Variants in CTNND2 observed in about 807,000 individuals in gnomAD.
CTNND2 encodes the protein catenin delta 2, also known as catenin delta-2.
Under a neutral mutation model 144.4 loss-of-function variants are expected in CTNND2, and 22 were observed. The observed-to-expected ratio is 0.15, with a 90% CI of 0.11 to 0.22. CTNND2 has a LOEUF of 0.22. Among genes scored for constraint, CTNND2 ranks in the 10% least tolerant of loss-of-function variants. The probability of loss-of-function intolerance (pLI) is 1.00; values close to 1 mark genes in which losing one functional copy is unlikely to be tolerated. For synonymous variants in CTNND2, 751 were observed against 695.6 expected, an observed-to-expected ratio of 1.08 and a Z score of -1.25; for missense variants, 1,353 against 1,618.8, an observed-to-expected ratio of 0.84 and a Z score of 2.82.
At chr5:11,115,582 A>G (rs574890088) in intron 13 of CTNND2, among the ~76,000 whole-genome samples, 1 of 152,212 alleles carries the variant, frequency 6.6e-6, no homozygotes, top group Admixed American at 6.5e-5. Flanking sequence ...TTGTTTAGGA[A>G]TTTAATTTTC....
At chr5:11,082,527 A>G (rs1749685180) in intron 16 of CTNND2, among the ~76,000 whole-genome samples, 169 bp downstream of exon 16, 1 of 152,202 alleles carries the variant, frequency 6.6e-6, no homozygotes. Flanking sequence ...CTAAAAGATG[A>G]CTCAGTGCAG....
chr5:11,407,699 G>C (rs1761202767), intron 5 of CTNND2, among the ~76,000 whole-genome samples: 1 of 152,092 alleles, frequency 6.6e-6, no homozygotes, highest in South Asian at 2.1e-4. Context: ...CTCAAGGGCA[G>C]GGTGCCAGGT....
chr5:11,609,221 G>A (rs759880232), intron 2 of CTNND2, among the ~76,000 whole-genome samples: 1 of 151,858 alleles, frequency 6.6e-6, no homozygotes, highest in South Asian at 2.1e-4. Context: ...ATTTTTTGTT[G>A]CTTATGTTGT....
intron 1 of CTNND2, 147 bp from the exon 2 acceptor site, chr5:11,732,419 A>G (rs1787443497): frequency 1.5e-6 from 1 of 656,056 alleles, no homozygotes; most frequent in South Asian, 2.5e-5. Context: ...GAACGGGAGT[A>G]ATACAGTAAA....
chr5:11,286,032 C>T (rs1561153631), intron 9 of CTNND2, among the ~76,000 whole-genome samples: 1 of 99,512 alleles, frequency 1.0e-5, no homozygotes, highest in Non-Finnish European at 2.3e-5. Context: ...AAGTGCTTTT[C>T]CAGCAATTGA....
chr5:11,532,309 AC>A (rs1773816543), intron 3 of CTNND2, among the ~76,000 whole-genome samples: 2 of 43,724 alleles, frequency 4.6e-5, no homozygotes, highest in African/African-American at 1.8e-4. Context: ...ACCCACCCCC[AC>A]CCCTCCTCCA....
intron 16 of CTNND2, among the ~76,000 whole-genome samples, chr5:11,034,721 A>G (rs1036354796): frequency 6.6e-6 from 1 of 152,052 alleles, no homozygotes; most frequent in Non-Finnish European, 1.5e-5. Context: ...TTTCAAAGTT[A>G]TAACTCATGA....
chr5:11,209,933 CA>C (rs1308367842), intron 10 of CTNND2, among the ~76,000 whole-genome samples: 9 of 151,554 alleles, frequency 5.9e-5, no homozygotes, highest in African/African-American at 2.2e-4. Context: ...CAAACAACAA[CA>C]AAAAAAGTGT....
intron 10 of CTNND2, among the ~76,000 whole-genome samples, chr5:11,214,030 T>C (rs1738918945): frequency 6.6e-6 from 1 of 152,122 alleles, no homozygotes; most frequent in Non-Finnish European, 1.5e-5. Flanking sequence ...ACCCACCACT[T>C]GTGGGTTCAG....
At chr5:11,544,883 C>A (rs544497685) in intron 3 of CTNND2, among the ~76,000 whole-genome samples, 1 of 151,860 alleles carries the variant, frequency 6.6e-6, no homozygotes, top group African/African-American at 2.4e-5. Context: ...CTTTGGGAGG[C>A]GGAGGCGGGC....
At chr5:11,543,686 G>A (rs1036514552) in intron 3 of CTNND2, among the ~76,000 whole-genome samples, 1 of 150,634 alleles carries the variant, frequency 6.6e-6, no homozygotes, top group Non-Finnish European at 1.5e-5. Flanking sequence ...AAAGATCAAT[G>A]GAATTCCATT....
intron 3 of CTNND2, among the ~76,000 whole-genome samples, chr5:11,446,521 A>C (rs1764817151): frequency 6.6e-6 from 1 of 152,140 alleles, no homozygotes. Flanking sequence ...ATGCCTTCAC[A>C]TGTCTTCAAG....
chr5:11,893,645 A>G (rs12514516), intron 1 of CTNND2, among the ~76,000 whole-genome samples: 35,224 of 152,026 alleles, frequency 0.23, 4,215 homozygotes, highest in Admixed American at 0.3. Flanking sequence ...TATATTTGCA[A>G]AGGAAGAAGG....
intron 2 of CTNND2, among the ~76,000 whole-genome samples, chr5:11,731,419 G>A (rs1443967355): frequency 1.3e-5 from 2 of 152,150 alleles, no homozygotes; most frequent in East Asian, 1.9e-4. Context: ...TAACCCAAAC[G>A]CGGCAGGCTT....
chr5:11,067,955 A>G (rs1747789707), intron 16 of CTNND2, among the ~76,000 whole-genome samples: 1 of 152,206 alleles, frequency 6.6e-6, no homozygotes, highest in East Asian at 1.9e-4. Flanking sequence ...TTTTGACTCT[A>G]GGGATCAATG....
chr5:11,207,892 A>G (rs1738220798), intron 10 of CTNND2, among the ~76,000 whole-genome samples: 1 of 152,226 alleles, frequency 6.6e-6, no homozygotes, highest in African/African-American at 2.4e-5. Context: ...GAGTAAAACT[A>G]AAAAACTGAA....
rs2126534954 is a variant in CTNND2, at chr5:11,650,640, G to A, written c.174+81496C>T. Among the ~76,000 whole-genome samples the A allele has an allele frequency of 1.3e-5, 2 of 152,272 alleles. 1 individual carries two copies. Among genetic ancestry groups the A allele is most frequent in the South Asian group, 4.1e-4 (2 of 4,824 alleles). Reference sequence around the variant, plus strand: ...TGGACAATGAAGTTCAGGCTGAGGTGGTCTCAGATGAAGATGAGGAACTTA... The same window carrying A: ...TGGACAATGAAGTTCAGGCTGAGGTAGTCTCAGATGAAGATGAGGAACTTA... On this transcript the variant is annotated intron_variant, in intron 2 of 21. Transcript: ENST00000304623.
intron 2 of CTNND2, among the ~76,000 whole-genome samples, chr5:11,707,694 G>A (rs955579464): frequency 1.3e-5 from 2 of 151,612 alleles, no homozygotes; most frequent in South Asian, 2.1e-4. Context: ...AGTAAAAATT[G>A]TAATTTTTCT....
At chr5:11,011,067 ACAAC>A (rs1243823552) in intron 18 of CTNND2, among the ~76,000 whole-genome samples, 2 of 152,198 alleles carry the variant, frequency 1.3e-5, no homozygotes, top group Admixed American at 1.3e-4. Context: ...GGAGGGGGGC[ACAAC>A]CATAAAAACA....
Sources: allele counts gnomAD v4.1 joint callset (sites outside exome capture counted in the v4.1 genomes callset), GRCh38; gene constraint gnomAD v4.1.1; transcripts MANE v1.5; gene names NCBI Gene and HGNC (gene_info 2026-07-23, HGNC 2026-07-21).